The following PDE4DIP variants were observed in gnomAD, a reference collection of about 807,000 sequenced individuals.
PDE4DIP encodes phosphodiesterase 4D interacting protein, also known as myomegalin.
In PDE4DIP, 59 loss-of-function variants were observed where a neutral mutation model predicts 221.4. That is an observed-to-expected ratio of 0.27 (90% CI 0.22 to 0.33). The LOEUF is 0.33. Among genes scored for constraint, PDE4DIP ranks in the 10% least tolerant of loss-of-function variants. PDE4DIP has a pLI of 1.00. For synonymous variants in PDE4DIP, 404 were observed against 815.9 expected (o/e 0.50, Z 8.60); for missense variants, 1,036 against 2,154.2 (o/e 0.48, Z 10.28).
chr1:149,032,814 T>G (rs1182279599), exon 44 of PDE4DIP: 5 of 203,676 alleles, frequency 2.5e-5, no homozygotes, highest in African/African-American at 1.2e-4. Context: ...GCCCCAAGCC[T>G]AGTAAAGCCT....
chr1:148,824,333 T>C (rs1465605914), intron 1 of PDE4DIP, among the ~76,000 whole-genome samples: 1 of 150,482 alleles, frequency 6.6e-6, no homozygotes, highest in African/African-American at 2.5e-5. Flanking sequence ...TATAACATGG[T>C]AGCTTAGTTC....
intron 21 of PDE4DIP, 64 bp downstream of exon 24, chr1:148,981,461 C>T: frequency 6.2e-7 from 1 of 1,605,708 alleles, no homozygotes; most frequent in Non-Finnish European, 8.5e-7. Flanking sequence ...GCGGGTCAGA[C>T]TGCAGCCCAG....
rs782220422 is a variant in PDE4DIP at position 149,012,560 on chromosome 1, G to A, written c.5081-31G>A. On this transcript the variant is annotated intron_variant, in intron 31 of 43. Transcript: ENST00000369354. ...TTCTCTCATTTTCTCTTGATGATGT[G>A]TCTCTTTTCTCCTTAACTTTCTTTT... 2.2e-5 allele frequency: 32 copies of A among 1,461,474 alleles called. 1 individual carries two copies. In the African/African-American group the frequency reaches 3.8e-4, roughly 18 times the overall value. 90.5% of individuals were successfully genotyped at this position (1,461,474 alleles called of 1,614,324 possible).
At chr1:148,952,073 C>T (rs2053497650) in intron 5 of PDE4DIP, 1 of 1,014,256 alleles carries the variant, frequency 9.9e-7, no homozygotes, top group Non-Finnish European at 1.2e-6. Flanking sequence ...GGAGGGGATT[C>T]GTCTTTCTCC....
exon 30 of PDE4DIP, chr1:149,009,730 C>A (rs587744104): frequency 6.2e-7 from 1 of 1,614,064 alleles, no homozygotes; most frequent in South Asian, 1.1e-5. Context: ...CCTGCTCTGA[C>A]ATGGACATAG....
chr1:148,990,283 G>C lies in PDE4DIP; in HGVS notation c.2816-1602G>C, dbSNP rs1252139882. 6.1e-6 allele frequency: 6 copies of C among 983,998 alleles called. No individual in the cohort carries two copies. In the African/African-American group the frequency reaches 8.7e-5, roughly 14 times the overall value. The allele number at this position is 983,998 out of a possible 1,614,324, so 61.0% of individuals were successfully genotyped here. On this transcript the variant is annotated intron_variant, in intron 21 of 43. Coordinates refer to ENST00000369354, the Ensembl canonical transcript of PDE4DIP. ...CTGCCATAATGGAAGAAGACTGTGA[G>C]CTAGCTTAAAAAAGAGAGAATGAAG...
intron 21 of PDE4DIP, among the ~76,000 whole-genome samples, chr1:148,987,156 C>T (rs1416231450): frequency 2.6e-5 from 4 of 152,122 alleles, no homozygotes; most frequent in African/African-American, 9.7e-5. Flanking sequence ...CCTAAGGCTA[C>T]TTAAGAGATG....
intron 2 of PDE4DIP, among the ~76,000 whole-genome samples, chr1:148,864,959 T>A (rs1179732459): frequency 2.2e-5 from 3 of 136,512 alleles, no homozygotes; most frequent in Non-Finnish European, 3.1e-5. Context: ...CTCAAGGCAT[T>A]GCTCTTTCTA....
At chr1:148,977,613 T>G (rs2060436284) in intron 17 of PDE4DIP, among the ~76,000 whole-genome samples, 1 of 151,678 alleles carries the variant, frequency 6.6e-6, no homozygotes, top group South Asian at 2.1e-4. Context: ...TTAGGTGAAG[T>G]TTTACTTACA....
At chr1:148,817,874 G>A (rs2489090) in intron 1 of PDE4DIP, among the ~76,000 whole-genome samples, 5 of 129,016 alleles carry the variant, frequency 3.9e-5, no homozygotes, top group African/African-American at 1.5e-4. Context: ...CAATGTTACG[G>A]TCTCAGCTCC....
intron 2 of PDE4DIP, chr1:148,929,769 T>C (rs2047444157): frequency 2.0e-5 from 3 of 153,780 alleles, no homozygotes; most frequent in African/African-American, 7.2e-5. Flanking sequence ...GGAATCTGTT[T>C]CTTATAAATA....
intron 1 of PDE4DIP, among the ~76,000 whole-genome samples, chr1:148,837,459 GC>G (rs1553374460): frequency 8.5e-6 from 1 of 116,996 alleles, no homozygotes. Flanking sequence ...GGAGTTTATG[GC>G]CTAGAACTGC....
chr1:148,978,450 T>C (rs2060560437), intron 19 of PDE4DIP, 35 bp downstream of exon 22: 2 of 1,419,952 alleles, frequency 1.4e-6, no homozygotes, highest in East Asian at 4.7e-5. Flanking sequence ...ATTTATTTAT[T>C]TACATTTTTT....
Position 148,968,875 on chromosome 1 carries a change from C to T in PDE4DIP, c.1825C>T (p.Gln609Ter). ...ACTGCTCTGCAAACTTGGACCAGGG[C>T]AGAGTGAGATAGCAGAGGAGCTGTG... Residue 609 changes from glutamine (Q) to a stop codon, truncating the protein, a stop_gained, in exon 14 of 44, where the codon CAG (glutamine) becomes TAG (stop). Coordinates refer to ENST00000369354, the Ensembl canonical transcript of PDE4DIP. LOFTEE classifies it high-confidence loss of function. The T allele has an allele frequency of 6.2e-7, 1 of 1,613,374 alleles. No individual in the cohort carries two copies.
rs782639584 is a variant in PDE4DIP at position 149,021,043 on chromosome 1, TG to T, written c.5977del (p.Val1993PhefsTer35). 9.9e-7 allele frequency: 1 copy of T among 1,007,066 alleles called. No individual in the cohort carries two copies. Among genetic ancestry groups the T allele is most frequent in the African/African-American group, 1.6e-5 (1 of 61,870 alleles). 62.4% of individuals were successfully genotyped at this position (1,007,066 alleles called of 1,614,324 possible). On this transcript the variant is annotated frameshift_variant, in exon 37 of 44. Transcript: ENST00000369354. LOFTEE classifies it high-confidence loss of function. ...TCCCTGGTCAGACTGCAGCACAAGCTGGTTCTCCTGCAGCAACAGTGTGAAG... is the reference window on the plus strand; with the variant it reads ...TCCCTGGTCAGACTGCAGCACAAGCTGTTCTCCTGCAGCAACAGTGTGAAG...
Position 149,023,926 on chromosome 1 carries a change from C to CAT in PDE4DIP, c.6086-511_6086-510dup, listed in dbSNP as rs1553254026. Among the ~76,000 whole-genome samples the CAT allele has an allele frequency of 1.2e-4, 17 of 147,416 alleles. No homozygotes were observed. In the East Asian group the frequency reaches 3.0e-3, roughly 26 times the overall value. On this transcript the variant is annotated intron_variant, in intron 37 of 43. Coordinates refer to ENST00000369354, the Ensembl canonical transcript of PDE4DIP. ...GTATATATATGTACACACACACACA[C>CAT]ATATATATAGAGAGAGAGAGAGAAA...
At chr1:148,991,742 C>T (rs2063114368) in intron 21 of PDE4DIP, 143 bp from the exon 25 acceptor site, 2 of 708,922 alleles carry the variant, frequency 2.8e-6, no homozygotes, top group Admixed American at 2.8e-5. Context: ...CTTTCCAGCC[C>T]TGCTGGCTAG....
intron 4 of PDE4DIP, among the ~76,000 whole-genome samples, chr1:148,935,206 C>G (rs1405542079): frequency 1.3e-5 from 2 of 151,480 alleles, no homozygotes; most frequent in African/African-American, 4.9e-5. Flanking sequence ...GAGCAAGACT[C>G]CATCTCAAAA....
chr1:148,869,777 T>TA (rs3978547), intron 3 of PDE4DIP, among the ~76,000 whole-genome samples: 1,008 of 68,258 alleles, frequency 0.015, 3 homozygotes, highest in Admixed American at 0.038. Flanking sequence ...TCTTGTGCTC[T>TA]AAAAAAAAAA....
Sources: gnomAD v4.1 joint callset for allele counts (sites outside exome capture counted in the v4.1 genomes callset) on GRCh38, gnomAD v4.1.1 for gene constraint, MANE v1.5 for transcripts, NCBI Gene and HGNC (gene_info 2026-07-23, HGNC 2026-07-21) for gene names.